Variants in AP3B1 observed in about 807,000 individuals in gnomAD.
AP3B1 encodes the protein adaptor related protein complex 3 subunit beta 1, also known as AP-3 complex subunit beta-1.
In AP3B1, 61 loss-of-function variants were observed where a neutral mutation model predicts 132.5. The ratio of observed to expected loss-of-function variants is 0.46; its 90% CI spans 0.37 to 0.57. The LOEUF (loss-of-function observed/expected upper bound fraction) is 0.57, where lower values mean the gene tolerates loss of function less well. Among genes scored for constraint, AP3B1 ranks in the 20% least tolerant of loss-of-function variants. The pLI is 0.00. For missense variants in AP3B1, 1,120 were observed against 1,289.4 expected (o/e 0.87, Z 2.01); for synonymous variants, 388 against 438.3 (o/e 0.89, Z 1.43).
At chr5:78,261,423 A>G (rs1748085255) in intron 2 of AP3B1, among the ~76,000 whole-genome samples, 1 of 151,986 alleles carries the variant, frequency 6.6e-6, no homozygotes, top group Non-Finnish European at 1.5e-5. Context: ...TGTCTATTCC[A>G]GTCTTCTACC....
chr5:78,142,177 AT>A (rs1753176405), intron 14 of AP3B1, among the ~76,000 whole-genome samples: 1 of 152,192 alleles, frequency 6.6e-6, no homozygotes, highest in Non-Finnish European at 1.5e-5. Context: ...AATAAACTGC[AT>A]TTCAATATAA....
At chr5:78,175,879 A>G (rs117749790) in intron 9 of AP3B1, 41 bp from the exon 10 acceptor site, 5 of 1,442,342 alleles carry the variant, frequency 3.5e-6, no homozygotes, top group East Asian at 4.6e-5. Flanking sequence ...ATATGTTCCA[A>G]TGAAACATCT....
chr5:78,148,564 GT>G (rs1753512762), intron 14 of AP3B1, among the ~76,000 whole-genome samples: 1 of 151,926 alleles, frequency 6.6e-6, no homozygotes, highest in Admixed American at 6.6e-5. Flanking sequence ...TCATTCCTCA[GT>G]TTTCCTGAAT....
chr5:78,087,394 A>T, intron 22 of AP3B1: 1 of 325,172 alleles, frequency 3.1e-6, no homozygotes, highest in Non-Finnish European at 4.4e-6. Context: ...TGAGGGCTGG[A>T]TGTGCTATTA....
At chr5:78,240,589 C>A (rs1272555007) in intron 3 of AP3B1, among the ~76,000 whole-genome samples, 1 of 152,086 alleles carries the variant, frequency 6.6e-6, no homozygotes. Context: ...TTAAACTAAA[C>A]GGGCCTCTAG....
In AP3B1 at chr5:78,267,588, C is replaced by T. The variant is rs768641911; in HGVS notation, c.136G>A (p.Asp46Asn). 2.5e-6 allele frequency: 4 copies of T among 1,600,308 alleles called. No individual in the cohort carries two copies. The Admixed American group carries it at 6.7e-5, about 27-fold the overall frequency. Residue 46 changes from aspartate (D) to asparagine (N), a missense_variant, in exon 2 of 27, where the codon GAT becomes AAT. Coordinates refer to ENST00000255194, the MANE Select transcript of AP3B1 (RefSeq NM_003664.5). ...LFSSDLKKNE[D>N]LKQMLESNKD... is the part of the protein sequence containing the mutation. ...TTGCTCTCTAACATTTGCTTTAGATCTTCATTCCTATTACAAAAGAGAAGA... is the reference window on the plus strand; with the variant it reads ...TTGCTCTCTAACATTTGCTTTAGATTTTCATTCCTATTACAAAAGAGAAGA...
chr5:78,031,916 A>T (rs1325397916), intron 24 of AP3B1, among the ~76,000 whole-genome samples: 4 of 152,194 alleles, frequency 2.6e-5, no homozygotes, highest in African/African-American at 7.2e-5. Flanking sequence ...AACTAGCACT[A>T]AGCTGTGTGA....
chr5:78,073,419 C>T (rs539908926), intron 22 of AP3B1, among the ~76,000 whole-genome samples: 2 of 152,238 alleles, frequency 1.3e-5, no homozygotes, highest in South Asian at 4.1e-4. Context: ...ATCTAAGATA[C>T]CATAATGCTT....
chr5:78,062,129 C>A (rs921496025), intron 22 of AP3B1, among the ~76,000 whole-genome samples: 3 of 152,152 alleles, frequency 2.0e-5, no homozygotes, highest in Non-Finnish European at 4.4e-5. Context: ...ATTTTTGAAG[C>A]TTTGTATTTT....
intron 2 of AP3B1, among the ~76,000 whole-genome samples, chr5:78,256,925 A>G (rs1332858472): frequency 6.6e-6 from 1 of 152,162 alleles, no homozygotes; most frequent in Admixed American, 6.5e-5. Flanking sequence ...AAACCATATG[A>G]TCATTTCAAT....
At chr5:78,035,026 T>C (rs1747745623) in intron 23 of AP3B1, among the ~76,000 whole-genome samples, 1 of 151,868 alleles carries the variant, frequency 6.6e-6, no homozygotes, top group Admixed American at 6.6e-5. Context: ...TCAAAAAAAT[T>C]TGTGGCAGAT....
chr5:78,024,271 T>C (rs529018798), intron 24 of AP3B1, among the ~76,000 whole-genome samples: 4 of 152,334 alleles, frequency 2.6e-5, no homozygotes, highest in African/African-American at 9.6e-5. Context: ...GTATGAAATT[T>C]AAAATTTCAG....
chr5:78,135,464 G>A (rs1041886473), intron 15 of AP3B1, among the ~76,000 whole-genome samples: 9 of 152,044 alleles, frequency 5.9e-5, no homozygotes, highest in African/African-American at 2.2e-4. Flanking sequence ...ACACCAACAA[G>A]GTGGCAGTGG....
Position 78,189,601 on chromosome 5 carries a change from G to T in AP3B1, c.787-7939C>A, listed in dbSNP as rs1744743267. The stretch of plus-strand genomic sequence containing the variant: ...AAAAAATTATGCGGCCAGGCATGGT[G>T]GCTCACACCTATAATCCCAGCACTC... On this transcript the variant is annotated intron_variant, in intron 7 of 26. Transcript: ENST00000255194. 2.0e-5 allele frequency among the ~76,000 whole-genome samples: 3 copies of T among 152,122 alleles called. No homozygotes were observed. The East Asian group carries it at 5.8e-4, about 29-fold the overall frequency.
chr5:78,172,468 G>C (rs909627973), intron 11 of AP3B1, among the ~76,000 whole-genome samples: 3 of 152,216 alleles, frequency 2.0e-5, no homozygotes, highest in Non-Finnish European at 4.4e-5. Context: ...TCTTGGGAGT[G>C]TGTACGTGTC....
intron 26 of AP3B1, among the ~76,000 whole-genome samples, chr5:78,006,204 G>T (rs1041473157): frequency 4.6e-5 from 7 of 152,196 alleles, no homozygotes; most frequent in African/African-American, 1.7e-4. Flanking sequence ...GCCCAGAGAA[G>T]TTGAAGAACT....
chr5:78,120,778 G>T (rs1187185185), intron 17 of AP3B1, among the ~76,000 whole-genome samples: 2 of 152,116 alleles, frequency 1.3e-5, no homozygotes. Flanking sequence ...ACATTAAACA[G>T]ATCAACGAGA....
At chr5:78,004,623 C>G (rs1264413272) in intron 26 of AP3B1, among the ~76,000 whole-genome samples, 4 of 152,122 alleles carry the variant, frequency 2.6e-5, no homozygotes, top group Non-Finnish European at 5.9e-5. Flanking sequence ...AACAGATATG[C>G]TAATTTTACT....
chr5:78,266,677 T>A (rs1268114599), intron 2 of AP3B1, among the ~76,000 whole-genome samples: 2 of 152,156 alleles, frequency 1.3e-5, no homozygotes, highest in African/African-American at 4.8e-5. Context: ...GAAAATAGAA[T>A]CAGCAATGGT....
Sources: gnomAD v4.1 joint callset for allele counts (sites outside exome capture counted in the v4.1 genomes callset) on GRCh38, gnomAD v4.1.1 for gene constraint, MANE v1.5 for transcripts, NCBI Gene and HGNC (gene_info 2026-07-23, HGNC 2026-07-21) for gene names.